Variants in E2F6 observed in about 807,000 individuals in gnomAD.
E2F6 encodes the protein transcription factor E2F6.
In E2F6, 19 loss-of-function variants were observed where a neutral mutation model predicts 31.5. The observed-to-expected ratio is 0.60, with a 90% CI of 0.42 to 0.89. E2F6 has a LOEUF of 0.89. Among genes scored for constraint, E2F6 ranks in the 40% least tolerant of loss-of-function variants. The pLI, the probability that E2F6 is intolerant of heterozygous loss-of-function variation, is 0.00. For synonymous variants in E2F6, 121 were observed against 127.7 expected (o/e 0.95, Z 0.36); for missense variants, 269 against 341.6 (o/e 0.79, Z 1.67).
At chr2:11,453,432 G>A in intron 3 of E2F6, 150 bp downstream of exon 3, 1 of 741,298 alleles carries the variant, frequency 1.3e-6, no homozygotes, top group East Asian at 2.7e-5. Context: ...TCTCTAGGAT[G>A]ATGCAAGAAA....
In E2F6 at chr2:11,445,458, T is replaced by A. The variant is rs1047102309; in HGVS notation, c.*1019A>T. 1 of 152,556 alleles carries A rather than the reference T, an allele frequency of 6.6e-6. No individual in the cohort carries two copies. Among genetic ancestry groups the A allele is most frequent in the Non-Finnish European group, 1.5e-5 (1 of 68,030 alleles). 9.5% of individuals were successfully genotyped at this position (152,556 alleles called of 1,614,324 possible). A position where few individuals can be genotyped will look rare whatever the true frequency, so the allele number is the denominator to read the frequency against. ...GTGGTAAATGACTTACCCAATGAGGTAGAAACAGCTAGGTATGTGAAAATG... is the reference window on the plus strand; with the variant it reads ...GTGGTAAATGACTTACCCAATGAGGAAGAAACAGCTAGGTATGTGAAAATG... On this transcript the variant is annotated 3_prime_UTR_variant, in exon 7 of 7. Coordinates refer to ENST00000381525, the MANE Select transcript of E2F6 (RefSeq NM_198256.4).
At position 11,454,334 on chromosome 2, in the gene E2F6, C is replaced by CA. The variant is rs1463552204; in HGVS notation, c.164-537dup. ...TAAGACAATTATGACATACCTCGAG[C>CA]AACAGTGGTATCTCTCTCTTTTTTT... On this transcript the variant is annotated intron_variant, in intron 2 of 6. Transcript: ENST00000381525. Among the ~76,000 whole-genome samples, 5 of 151,470 alleles carry CA rather than the reference C, an allele frequency of 3.3e-5. No homozygotes were observed. In the East Asian group the frequency reaches 9.7e-4, roughly 29 times the overall value.
chr2:11,465,723 G>A (rs780849943), intron 1 of E2F6, 49 bp downstream of exon 1: 19 of 1,540,826 alleles, frequency 1.2e-5, no homozygotes, highest in East Asian at 4.9e-5. Flanking sequence ...GGAGGAGGGG[G>A]CCGGATTTGG....
intron 1 of E2F6, among the ~76,000 whole-genome samples, chr2:11,465,469 C>G (rs1672104607): frequency 6.6e-6 from 1 of 152,194 alleles, no homozygotes; most frequent in Non-Finnish European, 1.5e-5. Context: ...TGATAGGTTG[C>G]AGAGATACAG....
chr2:11,452,690 T>C (rs1671147943), intron 3 of E2F6, among the ~76,000 whole-genome samples: 2 of 152,204 alleles, frequency 1.3e-5, no homozygotes, highest in Admixed American at 6.5e-5. Flanking sequence ...TGATTTTCAT[T>C]TTTTTCTTTC....
rs941721010 is a variant in E2F6 at position 11,461,368 on chromosome 2, T to C, written c.109-4135A>G. Among the ~76,000 whole-genome samples the C allele has an allele frequency of 5.3e-5, 8 of 152,314 alleles. No individual in the cohort carries two copies. The South Asian group carries it at 1.7e-3, about 32-fold the overall frequency. ...TCTATTTTATTTATTTATTTATTTTTGTGATGGAGTTTCACTCTTGTTGCC... is the reference window on the plus strand; with the variant it reads ...TCTATTTTATTTATTTATTTATTTTCGTGATGGAGTTTCACTCTTGTTGCC... On this transcript the variant is annotated intron_variant, in intron 1 of 6. Transcript: ENST00000381525.
intron 3 of E2F6, among the ~76,000 whole-genome samples, chr2:11,452,419 C>G (rs931175369): frequency 6.6e-6 from 1 of 152,044 alleles, no homozygotes; most frequent in Non-Finnish European, 1.5e-5. Flanking sequence ...GCCTGGCCAA[C>G]ATGGTGAAAC....
At chr2:11,464,879 T>A (rs1332265104) in intron 1 of E2F6, among the ~76,000 whole-genome samples, 1 of 151,850 alleles carries the variant, frequency 6.6e-6, no homozygotes, top group Non-Finnish European at 1.5e-5. Flanking sequence ...CTTGGGAAAA[T>A]GTTTAATTAC....
chr2:11,465,648 G>A (rs1672132735), intron 1 of E2F6, 124 bp downstream of exon 1: 7 of 928,200 alleles, frequency 7.5e-6, no homozygotes, highest in South Asian at 1.5e-5. Context: ...CACGTGATGG[G>A]CAGCGCCTGG....
In E2F6 at chr2:11,446,422, T is replaced by C. The variant is rs1670714333; in HGVS notation, c.*55A>G. On this transcript the variant is annotated 3_prime_UTR_variant, in exon 7 of 7. Transcript: ENST00000381525. ...TCTGAGAATCAAATTTGATGCGTAA[T>C]TCTCCACGAAGATATTCCCAAAAAA... is the stretch of plus-strand genomic sequence containing the variant. The C allele has an allele frequency of 1.3e-5, 17 of 1,333,568 alleles. No homozygotes were observed. The highest frequency in any genetic ancestry group is 1.8e-5 in the Non-Finnish European group (17 of 928,284). The allele number at this position is 1,333,568 out of a possible 1,614,324, so 82.6% of individuals were successfully genotyped here.
intron 2 of E2F6, among the ~76,000 whole-genome samples, chr2:11,456,072 G>C (rs1481701989): frequency 6.6e-6 from 1 of 152,200 alleles, no homozygotes; most frequent in Admixed American, 6.5e-5. Context: ...CAGCATGCTG[G>C]AAGAAGAGGC....
chr2:11,465,645 T>TG lies in E2F6; in HGVS notation c.108+126dup. On this transcript the variant is annotated intron_variant, in intron 1 of 6. Coordinates refer to ENST00000381525, the MANE Select transcript of E2F6 (RefSeq NM_198256.4). ...GGAGAGCGCAGTTCGCAGCACGTGATGGGCAGCGCCTGGCCCAGGGGGAGC... is the reference window on the plus strand; with the variant it reads ...GGAGAGCGCAGTTCGCAGCACGTGATGGGGCAGCGCCTGGCCCAGGGGGAGC... 7.8e-6 allele frequency: 7 copies of TG among 896,760 alleles called. No homozygotes were observed. In the South Asian group the frequency reaches 9.2e-5, roughly 12 times the overall value. The allele number at this position is 896,760 out of a possible 1,614,324, so 55.6% of individuals were successfully genotyped here.
At chr2:11,460,894 T>C (rs958275769) in intron 1 of E2F6, among the ~76,000 whole-genome samples, 4 of 152,138 alleles carry the variant, frequency 2.6e-5, no homozygotes, top group South Asian at 4.1e-4. Context: ...GTGATAGAAA[T>C]TTTTCAGCTC....
intron 1 of E2F6, among the ~76,000 whole-genome samples, chr2:11,460,038 G>A (rs1199351689): frequency 6.6e-6 from 1 of 152,128 alleles, no homozygotes; most frequent in Non-Finnish European, 1.5e-5. Context: ...TCTGGGGCAA[G>A]TCAGCATATT....
chr2:11,456,085 C>T (rs149046879), intron 2 of E2F6, among the ~76,000 whole-genome samples: 1,616 of 152,194 alleles, frequency 0.011, 10 homozygotes, highest in Admixed American at 0.018. Flanking sequence ...GAAGAGGCTG[C>T]GGCATTAAGC....
chr2:11,448,507 G>C (rs1387133041), intron 5 of E2F6, among the ~76,000 whole-genome samples: 2 of 152,104 alleles, frequency 1.3e-5, no homozygotes, highest in African/African-American at 4.8e-5. Flanking sequence ...ACACCTCATT[G>C]TGATCTTATA....
chr2:11,457,272 A>C, intron 1 of E2F6, 39 bp from the exon 2 acceptor site: 1 of 1,255,982 alleles, frequency 8.0e-7, no homozygotes, highest in Non-Finnish European at 1.2e-6. Flanking sequence ...AGTGATTTTA[A>C]AACAACAATG....
chr2:11,463,398 A>G (rs1049466910), intron 1 of E2F6, among the ~76,000 whole-genome samples: 1 of 152,214 alleles, frequency 6.6e-6, no homozygotes, highest in African/African-American at 2.4e-5. Flanking sequence ...TAGCTACTTT[A>G]CTATAAGAAA....
intron 3 of E2F6, among the ~76,000 whole-genome samples, chr2:11,452,862 T>C (rs1671158822): frequency 6.6e-6 from 1 of 152,230 alleles, no homozygotes; most frequent in Admixed American, 6.5e-5. Context: ...GAATTCAACC[T>C]GTACTTCTGT....
Sources: allele counts gnomAD v4.1 joint callset (sites outside exome capture counted in the v4.1 genomes callset), GRCh38; gene constraint gnomAD v4.1.1; transcripts MANE v1.5; gene names NCBI Gene and HGNC (gene_info 2026-07-23, HGNC 2026-07-21).